Variants in BCAP29 observed in about 807,000 individuals in gnomAD.
BCAP29 encodes B cell receptor associated protein 29.
A neutral mutation model predicts 31.8 loss-of-function variants in BCAP29; 34 were observed. That is an observed-to-expected ratio of 1.07 (90% CI 0.81 to 1.42). The LOEUF (loss-of-function observed/expected upper bound fraction) is 1.42. BCAP29 is among the 40% of genes most tolerant of loss of function. BCAP29 has a pLI of 0.00. For synonymous variants in BCAP29, 104 were observed against 91.3 expected (o/e 1.14, Z -0.79); for missense variants, 314 against 269.2 (o/e 1.17, Z -1.16).
At chr7:107,617,319 T>A (rs960112393) in intron 7 of BCAP29, among the ~76,000 whole-genome samples, 1 of 152,220 alleles carries the variant, frequency 6.6e-6, no homozygotes, top group East Asian at 1.9e-4. Flanking sequence ...GAAACGCTGA[T>A]TTCTTTACTG....
intron 3 of BCAP29, among the ~76,000 whole-genome samples, chr7:107,584,847 A>G (rs543191806): frequency 5.3e-5 from 8 of 152,344 alleles, no homozygotes; most frequent in South Asian, 2.1e-4. Flanking sequence ...AGCAACCTAT[A>G]TAGCCTGTGG....
intron 6 of BCAP29, among the ~76,000 whole-genome samples, chr7:107,609,319 A>G (rs948584443): frequency 1.5e-4 from 23 of 152,128 alleles, no homozygotes; most frequent in Admixed American, 5.9e-4. Context: ...GTACGTTAAC[A>G]TTTTCAGGGC....
In BCAP29 at chr7:107,580,835, C is replaced by T. The variant is rs1467636306; in HGVS notation, c.63C>T (p.Ile21=). 1 of 1,589,752 alleles carries T rather than the reference C, an allele frequency of 6.3e-7. No homozygotes were observed. The highest frequency in any genetic ancestry group is 8.5e-7 in the Non-Finnish European group (1 of 1,169,900). The change falls in exon 2 of 8, where the codon ATC becomes ATT. Residue 21 remains isoleucine, a synonymous_variant. Coordinates refer to ENST00000005259, the MANE Select transcript of BCAP29 (RefSeq NM_018844.4). ...ATGCCGAAATAGGACTCATTTTAAT[C>T]TTCTGCCTACCTTTTATTCCTCCTC... is the stretch of plus-strand genomic sequence containing the variant. ...FLYAEIGLIL[I]FCLPFIPPQR...
intron 6 of BCAP29, among the ~76,000 whole-genome samples, chr7:107,603,206 G>C (rs1324132012): frequency 1.3e-5 from 2 of 151,976 alleles, no homozygotes; most frequent in Non-Finnish European, 2.9e-5. Context: ...TCCTGACCTT[G>C]TGATCTGCCC....
chr7:107,614,707 T>C (rs1813806028), intron 7 of BCAP29, among the ~76,000 whole-genome samples: 1 of 152,184 alleles, frequency 6.6e-6, no homozygotes, highest in African/African-American at 2.4e-5. Context: ...CTAGCCTACT[T>C]TGACAATAGC....
At chr7:107,600,136 ATAT>A in intron 5 of BCAP29, 1 of 443,128 alleles carries the variant, frequency 2.3e-6, no homozygotes, top group East Asian at 4.9e-5. Flanking sequence ...ACTTTTGAGA[ATAT>A]TATTTTAATC....
At chr7:107,610,383 T>C (rs1359600280) in intron 6 of BCAP29, among the ~76,000 whole-genome samples, 1 of 152,228 alleles carries the variant, frequency 6.6e-6, no homozygotes, top group Non-Finnish European at 1.5e-5. Context: ...ATTTTTCTTA[T>C]ATATGCTGTT....
At chr7:107,623,246 A>G (rs1254141045), downstream of BCAP29, 1 of 152,198 alleles carries the variant, frequency 6.6e-6, no homozygotes, top group East Asian at 1.9e-4. Context: ...TGTTTGTCCT[A>G]TGCAGCACAA....
chr7:107,580,150 G>C (rs1806297543), upstream of BCAP29: 1 of 152,180 alleles, frequency 6.6e-6, no homozygotes, highest in African/African-American at 2.4e-5. Flanking sequence ...CGCCGCCTGT[G>C]ACCTCAGCCG....
Position 107,595,167 on chromosome 7 carries a change from G to T in BCAP29, c.345-700G>T, listed in dbSNP as rs574377252. Among the ~76,000 whole-genome samples, 383 of 152,192 alleles carry T rather than the reference G, an allele frequency of 2.5e-3. 2 individuals are homozygous for T. Among genetic ancestry groups the T allele is most frequent in the African/African-American group, 9.1e-3 (376 of 41,508 alleles). ...ATTAGCCTCTTTCTCAAAGCCTTCTGTGGCCATCACTACCCACAAAGTAGG... is the reference window on the plus strand; with the variant it reads ...ATTAGCCTCTTTCTCAAAGCCTTCTTTGGCCATCACTACCCACAAAGTAGG... On this transcript the variant is annotated intron_variant, in intron 4 of 7. Coordinates refer to ENST00000005259, the MANE Select transcript of BCAP29 (RefSeq NM_018844.4).
intron 6 of BCAP29, among the ~76,000 whole-genome samples, chr7:107,607,312 G>A (rs1186589606): frequency 6.6e-6 from 1 of 152,168 alleles, no homozygotes; most frequent in Non-Finnish European, 1.5e-5. Flanking sequence ...GTAAGATCCT[G>A]TCTCAAAAAT....
chr7:107,615,135 T>C lies in BCAP29; in HGVS notation c.690+1703T>C. On this transcript the variant is annotated intron_variant, in intron 7 of 7. Coordinates refer to ENST00000005259, the MANE Select transcript of BCAP29 (RefSeq NM_018844.4). ...TGTCCATTGTTGAATGTCTCCATTGTTGAATGTCTCCATTGTTGAATGTCT... is the reference window on the plus strand; with the variant it reads ...TGTCCATTGTTGAATGTCTCCATTGCTGAATGTCTCCATTGTTGAATGTCT... 4.5e-6 allele frequency: 2 copies of C among 448,184 alleles called. 1 individual carries two copies. The highest frequency in any genetic ancestry group is 3.1e-5 in the South Asian group (2 of 63,800). The allele number at this position is 448,184 out of a possible 1,614,324, so 27.8% of individuals were successfully genotyped here.
At chr7:107,595,125 C>A (rs766513026) in intron 4 of BCAP29, among the ~76,000 whole-genome samples, 108 of 152,316 alleles carry the variant, frequency 7.1e-4, no homozygotes, top group Non-Finnish European at 1.3e-3. Flanking sequence ...CATTTCCTGG[C>A]TAACTCTTAC....
chr7:107,616,532 C>A (rs986237204), intron 7 of BCAP29: 2 of 152,190 alleles, frequency 1.3e-5, no homozygotes, highest in African/African-American at 4.8e-5. Context: ...AGGTACTTTA[C>A]TACTTAAATA....
chr7:107,582,859 A>T (rs1383292113), intron 2 of BCAP29, among the ~76,000 whole-genome samples: 1 of 152,086 alleles, frequency 6.6e-6, no homozygotes, highest in Non-Finnish European at 1.5e-5. Context: ...AAAAATATAA[A>T]ATTTTATATT....
rs540960762 is a variant in BCAP29 at position 107,615,111 on chromosome 7, GTCCATTGTTGAATGTC to G, written c.690+1720_690+1735del. On this transcript the variant is annotated intron_variant, in intron 7 of 7. Transcript: ENST00000005259. The stretch of plus-strand genomic sequence containing the variant: ...ATGCCTTCAGTTTCTTATGGCCAGT[GTCCATTGTTGAATGTC>G]TCCATTGTTGAATGTCTCCATTGTT... The G allele has an allele frequency of 2.8e-3, 1,180 of 428,982 alleles. 11 individuals are homozygous for G. Among genetic ancestry groups the G allele is most frequent in the African/African-American group, 0.017 (859 of 49,262 alleles). 26.6% of individuals were successfully genotyped at this position (428,982 alleles called of 1,614,324 possible). A position where few individuals can be genotyped will look rare whatever the true frequency, so the allele number is the denominator to read the frequency against.
chr7:107,589,008 T>G (rs1261211040), intron 3 of BCAP29, among the ~76,000 whole-genome samples: 1 of 152,136 alleles, frequency 6.6e-6, no homozygotes, highest in African/African-American at 2.4e-5. Context: ...CTTGAACCTT[T>G]CCACTAAAAT....
intron 3 of BCAP29, among the ~76,000 whole-genome samples, chr7:107,590,508 T>A (rs1019254603): frequency 1.3e-5 from 2 of 152,170 alleles, no homozygotes; most frequent in African/African-American, 4.8e-5. Flanking sequence ...TATTTGCAGA[T>A]GACACGATTA....
chr7:107,593,628 T>G (rs1400579507), intron 3 of BCAP29, among the ~76,000 whole-genome samples: 3 of 152,218 alleles, frequency 2.0e-5, no homozygotes, highest in Admixed American at 6.5e-5. Flanking sequence ...ATAGGCTGAA[T>G]TTTAGTCATC....
Sources: gnomAD v4.1 joint callset for allele counts (sites outside exome capture counted in the v4.1 genomes callset) on GRCh38, gnomAD v4.1.1 for gene constraint, MANE v1.5 for transcripts, NCBI Gene and HGNC (gene_info 2026-07-23, HGNC 2026-07-21) for gene names.